The following DGKB variants were observed in gnomAD, a reference collection of about 807,000 sequenced individuals.
DGKB encodes 90 kDa diacylglycerol kinase.
In DGKB, 67 loss-of-function variants were observed where a neutral mutation model predicts 114.3. The observed-to-expected ratio is 0.59, with a 90% CI of 0.48 to 0.72. The LOEUF (loss-of-function observed/expected upper bound fraction) is 0.72, where lower values mean the gene tolerates loss of function less well. Ranked by LOEUF, DGKB falls within the 30% of genes least tolerant of loss-of-function variation. The probability of loss-of-function intolerance (pLI) is 0.00; values close to 1 mark genes in which losing one functional copy is unlikely to be tolerated. For synonymous variants in DGKB, 398 were observed against 323.1 expected, an observed-to-expected ratio of 1.23 and a Z score of -2.49; for missense variants, 907 against 975.2, an observed-to-expected ratio of 0.93 and a Z score of 0.93.
intron 20 of DGKB, among the ~76,000 whole-genome samples, chr7:14,535,956 C>A (rs1446852679): frequency 6.6e-6 from 1 of 151,746 alleles, no homozygotes; most frequent in East Asian, 1.9e-4. Flanking sequence ...GAGAGAAGAC[C>A]CAAATAATGA....
At chr7:14,583,358 T>C (rs1032033210) in intron 17 of DGKB, among the ~76,000 whole-genome samples, 1 of 152,054 alleles carries the variant, frequency 6.6e-6, no homozygotes, top group Non-Finnish European at 1.5e-5. Flanking sequence ...CTAGATTCCA[T>C]AATGAATATA....
chr7:14,861,473 T>C (rs1850965448), intron 1 of DGKB, among the ~76,000 whole-genome samples: 1 of 151,918 alleles, frequency 6.6e-6, no homozygotes, highest in South Asian at 2.1e-4. Context: ...TGAAATACAT[T>C]GTACATATAG....
At chr7:14,675,046 A>G (rs1003305611) in intron 12 of DGKB, among the ~76,000 whole-genome samples, 2 of 152,178 alleles carry the variant, frequency 1.3e-5, no homozygotes, top group Non-Finnish European at 2.9e-5. Flanking sequence ...GATGTCACAG[A>G]GAAAGAGCTT....
intron 17 of DGKB, among the ~76,000 whole-genome samples, chr7:14,586,178 G>A (rs1800729776): frequency 6.6e-6 from 1 of 152,060 alleles, no homozygotes; most frequent in African/African-American, 2.4e-5. Flanking sequence ...TAAAAGCGAA[G>A]GCAAAGTTAT....
In DGKB at chr7:14,866,666, G is replaced by T. The variant is rs191242149; in HGVS notation, c.-187-25216C>A. Among the ~76,000 whole-genome samples, 50 of 152,056 alleles carry T rather than the reference G, an allele frequency of 3.3e-4. No homozygotes were observed. The East Asian group carries it at 9.3e-3, about 28-fold the overall frequency. On this transcript the variant is annotated intron_variant, in intron 1 of 25. Coordinates refer to ENST00000402815, the MANE Select transcript of DGKB (RefSeq NM_001350709.2). Reference sequence around the variant, plus strand: ...ACATTTTGGTGGCTTTCAAGTTTTGGCAATTATTAATGAAACTGCTATAAA... The same window carrying T: ...ACATTTTGGTGGCTTTCAAGTTTTGTCAATTATTAATGAAACTGCTATAAA...
intron 23 of DGKB, among the ~76,000 whole-genome samples, chr7:14,234,757 G>C (rs764941782): frequency 6.6e-6 from 1 of 151,922 alleles, no homozygotes. Flanking sequence ...GGTGATGTAG[G>C]GGGAGTATTC....
chr7:14,585,782 C>A (rs1800660913), intron 17 of DGKB, among the ~76,000 whole-genome samples: 1 of 152,104 alleles, frequency 6.6e-6, no homozygotes, highest in Non-Finnish European at 1.5e-5. Flanking sequence ...GTAATTATCG[C>A]AATATTTCAA....
At chr7:14,219,363 G>A (rs556271774) in intron 23 of DGKB, among the ~76,000 whole-genome samples, 1 of 151,746 alleles carries the variant, frequency 6.6e-6, no homozygotes, top group Non-Finnish European at 1.5e-5. Context: ...CTCTAAATTG[G>A]CAGCACTATT....
chr7:14,531,710 A>G (rs535788578), intron 20 of DGKB, among the ~76,000 whole-genome samples: 142 of 151,534 alleles, frequency 9.4e-4, no homozygotes, highest in Non-Finnish European at 1.0e-3. Flanking sequence ...GGAGAGAAAG[A>G]ACCCAGAAAA....
At chr7:14,363,693 A>T (rs1048843327) in intron 21 of DGKB, among the ~76,000 whole-genome samples, 1 of 152,130 alleles carries the variant, frequency 6.6e-6, no homozygotes, top group Admixed American at 6.6e-5. Flanking sequence ...AGAAAAAGAA[A>T]ATTTGGGTTT....
At chr7:14,806,329 A>G (rs1415292837) in intron 2 of DGKB, among the ~76,000 whole-genome samples, 1 of 152,072 alleles carries the variant, frequency 6.6e-6, no homozygotes, top group East Asian at 1.9e-4. Flanking sequence ...ATTGTACTAT[A>G]TATACATTAT....
At position 14,630,261 on chromosome 7, in the gene DGKB, G is replaced by C. The variant is rs1167468281; in HGVS notation, c.1142C>G (p.Pro381Arg). 8.3e-6 allele frequency: 13 copies of C among 1,556,950 alleles called. No individual in the cohort carries two copies. The highest frequency in any genetic ancestry group is 1.1e-5 in the Non-Finnish European group (13 of 1,150,918). The change falls in exon 14 of 26, where the codon CCC becomes CGC. Residue 381 changes from proline to arginine, a missense_variant. Physicochemically the swap from Pro to Arg is moderately radical, Grantham distance 103. Around this residue, in one of 3 missense-constraint regions of DGKB, gnomAD observed 814 missense variants for 856.6 expected, o/e 0.95. Transcript: ENST00000402815. Reference protein sequence around the residue: ...TTICPVVLTLPTSGVSVPEER... With the variant: ...TTICPVVLTLRTSGVSVPEER... Reference sequence around the variant, plus strand: ...CTCAGGAACTGAAACTCCTGAAGTGGGCAGAGTCTGCTGAAAAAGAGAAGT... The same window carrying C: ...CTCAGGAACTGAAACTCCTGAAGTGCGCAGAGTCTGCTGAAAAAGAGAAGT...
intron 21 of DGKB, among the ~76,000 whole-genome samples, chr7:14,380,220 C>T (rs1259974823): frequency 4.6e-5 from 7 of 151,346 alleles, no homozygotes; most frequent in Non-Finnish European, 1.0e-4. Context: ...AACCCCTTTT[C>T]AATCTAAAAA....
chr7:14,376,755 T>A (rs2128668244), intron 21 of DGKB, among the ~76,000 whole-genome samples: 1 of 152,326 alleles, frequency 6.6e-6, no homozygotes, highest in South Asian at 2.1e-4. Context: ...TTATGAACAC[T>A]TTGCACTAAA....
chr7:14,866,279 T>C (rs1851701682), intron 1 of DGKB, among the ~76,000 whole-genome samples: 1 of 152,134 alleles, frequency 6.6e-6, no homozygotes, highest in East Asian at 1.9e-4. Flanking sequence ...TCACCGAAAG[T>C]CCATAGTTTA....
chr7:14,454,489 A>G (rs1354766057), intron 21 of DGKB, among the ~76,000 whole-genome samples: 2 of 152,070 alleles, frequency 1.3e-5, no homozygotes, highest in Non-Finnish European at 2.9e-5. Context: ...AACCATTCCA[A>G]TTTACAAAGG....
At chr7:14,432,533 G>T (rs1361212476) in intron 21 of DGKB, among the ~76,000 whole-genome samples, 1 of 152,040 alleles carries the variant, frequency 6.6e-6, no homozygotes, top group Non-Finnish European at 1.5e-5. Context: ...CTCAGATTTA[G>T]TTCTCCCCTC....
intron 23 of DGKB, among the ~76,000 whole-genome samples, chr7:14,242,576 T>G (rs1330545556): frequency 6.6e-6 from 1 of 152,168 alleles, no homozygotes; most frequent in East Asian, 1.9e-4. Context: ...AGCAATATCT[T>G]ACATTGTAGA....
At chr7:14,465,203 C>G (rs1342609058) in intron 21 of DGKB, among the ~76,000 whole-genome samples, 1 of 152,064 alleles carries the variant, frequency 6.6e-6, no homozygotes, top group African/African-American at 2.4e-5. Context: ...CTTTTGTCTT[C>G]CCTGTAGGCC....
Sources: allele counts gnomAD v4.1 joint callset (sites outside exome capture counted in the v4.1 genomes callset), GRCh38; gene constraint gnomAD v4.1.1; regional missense constraint gnomAD v4.1.1; transcripts MANE v1.5; gene names NCBI Gene and HGNC (gene_info 2026-07-23, HGNC 2026-07-21).